LRRC37B: variants seen among roughly 807,000 people sequenced by gnomAD.
LRRC37B encodes leucine-rich repeat-containing protein 37B.
A neutral mutation model predicts 98.3 loss-of-function variants in LRRC37B; 28 were observed. That is an observed-to-expected ratio of 0.28 (90% CI 0.21 to 0.39). The LOEUF (loss-of-function observed/expected upper bound fraction) is 0.39. Ranked by LOEUF, LRRC37B falls within the 10% of genes least tolerant of loss-of-function variation. The probability of loss-of-function intolerance (pLI) is 1.00; values close to 1 mark genes in which losing one functional copy is unlikely to be tolerated. For synonymous variants in LRRC37B, 364 were observed against 442.7 expected (o/e 0.82, Z 2.23); for missense variants, 938 against 1,182.7 (o/e 0.79, Z 3.03).
At chr17:32,033,035 G>T (rs1911151732) in intron 5 of LRRC37B, among the ~76,000 whole-genome samples, 1 of 152,150 alleles carries the variant, frequency 6.6e-6, no homozygotes, top group Non-Finnish European at 1.5e-5. Flanking sequence ...GTGGTGGCGG[G>T]CACATGTAAT....
chr17:32,020,660 G>A (rs748554512), upstream of LRRC37B: 28 of 344,392 alleles, frequency 8.1e-5, no homozygotes, highest in Non-Finnish European at 1.2e-4. Context: ...TGTAACGCGC[G>A]TCCTGCCTGC....
chr17:32,020,146 C>T (rs562006196), upstream of LRRC37B, among the ~76,000 whole-genome samples: 3 of 152,122 alleles, frequency 2.0e-5, no homozygotes, highest in Non-Finnish European at 4.4e-5. Flanking sequence ...GCACAGCCCC[C>T]CTTCAATTTT....
At chr17:32,024,945 T>A (rs1319338728) in intron 2 of LRRC37B, among the ~76,000 whole-genome samples, 163 bp downstream of exon 5, 2 of 148,074 alleles carry the variant, frequency 1.4e-5, no homozygotes, top group African/African-American at 4.9e-5. Flanking sequence ...AAATTAAATT[T>A]GGTAGGCTCT....
chr17:32,032,650 C>G (rs1911141563), intron 5 of LRRC37B, among the ~76,000 whole-genome samples: 1 of 152,104 alleles, frequency 6.6e-6, no homozygotes, highest in South Asian at 2.1e-4. Context: ...CAGGATGTGT[C>G]TGGATTAGAG....
intron 7 of LRRC37B, among the ~76,000 whole-genome samples, chr17:32,037,271 A>T (rs1451709526): frequency 6.6e-6 from 1 of 151,646 alleles, no homozygotes; most frequent in Non-Finnish European, 1.5e-5. Flanking sequence ...GTGAGCCACC[A>T]TGTCCAGCCC....
chr17:32,040,961 T>A, intron 7 of LRRC37B: 6 of 918,312 alleles, frequency 6.5e-6, no homozygotes, highest in Admixed American at 1.7e-5. Flanking sequence ...AGATCCCCGA[T>A]GAGGAGCTGC....
At chr17:32,046,599 C>CTTTTTTTTTTTTTTT (rs796570580) in intron 8 of LRRC37B, among the ~76,000 whole-genome samples, 6 of 132,864 alleles carry the variant, frequency 4.5e-5, no homozygotes, top group East Asian at 2.2e-4. Flanking sequence ...TTCTTTTTTT[C>CTTTTTTTTTTTTTTT]TTTTTTTTTT....
Position 32,034,154 on chromosome 17 carries a change from T to A in LRRC37B, c.2058-756T>A, listed in dbSNP as rs566042502. On this transcript the variant is annotated intron_variant, in intron 5 of 11. Transcript: ENST00000327564. Reference sequence around the variant, plus strand: ...TATAAAGCAAAAGAATTGGTCCTATTTTTTTTCCTTAACTGTGCAAATTAA... The same window carrying A: ...TATAAAGCAAAAGAATTGGTCCTATATTTTTTCCTTAACTGTGCAAATTAA... The A allele has an allele frequency of 2.0e-5, 3 of 152,160 alleles. 1 individual carries two copies. The highest frequency in any genetic ancestry group is 7.2e-5 in the African/African-American group (3 of 41,508). 9.4% of individuals were successfully genotyped at this position (152,160 alleles called of 1,614,324 possible).
chr17:32,035,975 T>C, intron 7 of LRRC37B: 3 of 229,186 alleles, frequency 1.3e-5, no homozygotes, highest in Non-Finnish European at 2.5e-5. Context: ...GCATGTAGCC[T>C]CTTGTGTTTG....
At chr17:32,050,271 A>C (rs1442555392) in intron 11 of LRRC37B, 164 bp downstream of exon 14, 1 of 602,786 alleles carries the variant, frequency 1.7e-6, no homozygotes, top group African/African-American at 1.9e-5. Flanking sequence ...ATATTCCAGG[A>C]TTGTTAAAGG....
At chr17:32,035,854 T>G in intron 7 of LRRC37B, 1 of 450,520 alleles carries the variant, frequency 2.2e-6, no homozygotes, top group Non-Finnish European at 3.9e-6. Context: ...GGCCCCTCAT[T>G]TCCCTTTGTA....
At chr17:32,052,928 GA>G (rs1911799110) in intron 11 of LRRC37B, 1 of 199,728 alleles carries the variant, frequency 5.0e-6, no homozygotes. Flanking sequence ...CTGAGTGACA[GA>G]GGGTGATCCT....
intron 1 of LRRC37B, among the ~76,000 whole-genome samples, chr17:32,011,582 CCACCTCCTGGGTT>C (rs1910527371): frequency 1.3e-5 from 2 of 152,096 alleles, no homozygotes. Flanking sequence ...ACTGCAGCCT[CCACCTCCTGGGTT>C]GAAATGATTC....
intron 2 of LRRC37B, among the ~76,000 whole-genome samples, chr17:32,027,322 TGTGTGTGCTTGCAC>T (rs1421044875): frequency 2.6e-5 from 4 of 152,194 alleles, no homozygotes; most frequent in South Asian, 2.1e-4. Context: ...TGTGCTTGTG[TGTGTGTGCTTGCAC>T]GTGTGTGCTT....
At chr17:32,021,998 C>A (rs1910807425) in exon 1 of LRRC37B, 1 of 1,614,028 alleles carries the variant, frequency 6.2e-7, no homozygotes. Flanking sequence ...AGGAAGAAGC[C>A]CCAGCGCAGC....
At chr17:32,024,536 C>G in intron 1 of LRRC37B, 175 bp from the exon 5 acceptor site, 1 of 1,104,996 alleles carries the variant, frequency 9.0e-7, no homozygotes, top group African/African-American at 1.6e-5. Context: ...TGCCAGTGGC[C>G]CCGCATTATT....
At chr17:32,010,255 G>A (rs569082372) in intron 1 of LRRC37B, among the ~76,000 whole-genome samples, 5 of 152,318 alleles carry the variant, frequency 3.3e-5, no homozygotes, top group Non-Finnish European at 5.9e-5. Flanking sequence ...TTGTAGCAAT[G>A]AAAGCAGTCG....
intron 7 of LRRC37B, among the ~76,000 whole-genome samples, chr17:32,036,905 C>G (rs1365404702): frequency 1.3e-5 from 2 of 149,644 alleles, no homozygotes; most frequent in Admixed American, 6.7e-5. Context: ...GAACTGTTTC[C>G]TAAAGTGGCT....
At position 32,021,358 on chromosome 17, in the gene LRRC37B, A is replaced by T. The variant is rs137953698; in HGVS notation, c.293A>T (p.Asp98Val). 1.1e-4 allele frequency: 173 copies of T among 1,613,702 alleles called. No individual in the cohort carries two copies. In the African/African-American group the frequency reaches 2.2e-3, roughly 20 times the overall value. ...CCTGCTCCCCCAGCAGCCCCGGGGG[A>T]CTTTGATTACCTGGGGCCCTCTGCT... The change falls in exon 1 of 12, where the codon GAC (aspartate) becomes GTC (valine). Residue 98 changes from aspartate to valine, a missense_variant. Asp to Val is a radical substitution (Grantham distance 152). Coordinates refer to ENST00000327564, the Ensembl canonical transcript of LRRC37B.
Sources: allele counts gnomAD v4.1 joint callset (sites outside exome capture counted in the v4.1 genomes callset), GRCh38; gene constraint gnomAD v4.1.1; transcripts MANE v1.5; gene names NCBI Gene and HGNC (gene_info 2026-07-23, HGNC 2026-07-21).